PAPPA2: variants seen among roughly 807,000 people sequenced by gnomAD.
The protein encoded by PAPPA2 is pappalysin 2, also known as pappalysin-2.
PAPPA2 carries 86 observed loss-of-function variants against 176.4 expected under a neutral mutation model. The ratio of observed to expected loss-of-function variants is 0.49; its 90% CI spans 0.41 to 0.58. The LOEUF is 0.58. Among genes scored for constraint, PAPPA2 ranks in the 20% least tolerant of loss-of-function variants. PAPPA2 has a pLI of 0.00. For missense variants in PAPPA2, 2,073 were observed against 2,256.9 expected, an observed-to-expected ratio of 0.92 and a Z score of 1.65; for synonymous variants, 809 against 852.2, an observed-to-expected ratio of 0.95 and a Z score of 0.88.
At chr1:176,770,871 G>C in intron 16 of PAPPA2, 96 bp from the exon 17 acceptor site, 1 of 1,134,076 alleles carries the variant, frequency 8.8e-7, no homozygotes, top group Middle Eastern at 2.9e-4. Context: ...CTTTTGAAAG[G>C]CACCAGTAAG....
intron 21 of PAPPA2, among the ~76,000 whole-genome samples, chr1:176,810,543 C>A (rs796135957): frequency 6.6e-6 from 1 of 152,200 alleles, no homozygotes; most frequent in South Asian, 2.1e-4. Context: ...AATGCCACCA[C>A]AAATTTTACA....
At chr1:176,567,891 G>T (rs1196134020) in intron 2 of PAPPA2, among the ~76,000 whole-genome samples, 1 of 152,180 alleles carries the variant, frequency 6.6e-6, no homozygotes, top group Non-Finnish European at 1.5e-5. Flanking sequence ...GTGTCAAATG[G>T]CACAGGAGCA....
chr1:176,768,279 C>T (rs923367386), intron 15 of PAPPA2, among the ~76,000 whole-genome samples: 3 of 152,024 alleles, frequency 2.0e-5, no homozygotes, highest in Non-Finnish European at 2.9e-5. Context: ...TTTTCAAAGG[C>T]CAATCCTGTA....
At chr1:176,489,730 A>G (rs1652808141) in intron 1 of PAPPA2, among the ~76,000 whole-genome samples, 1 of 152,128 alleles carries the variant, frequency 6.6e-6, no homozygotes, top group African/African-American at 2.4e-5. Flanking sequence ...AAGTTGTGAA[A>G]AATTGGACAA....
chr1:176,829,006 AAAAT>A (rs1271823974), intron 21 of PAPPA2, among the ~76,000 whole-genome samples: 5 of 152,058 alleles, frequency 3.3e-5, no homozygotes, highest in Admixed American at 6.6e-5. Context: ...CCATCTCAAA[AAAAT>A]AAATAAATAA....
chr1:176,594,792 C>T lies in PAPPA2; in HGVS notation c.1188C>T (p.Asn396=), dbSNP rs918039037. The change falls in exon 3 of 23, where the codon AAC becomes AAT. Residue 396 remains asparagine (N), a synonymous_variant. Coordinates refer to ENST00000367662, the MANE Select transcript of PAPPA2 (RefSeq NM_020318.3). ...GTCTAGACCAGTCTGGTCCCCTGAA[C>T]AGCCCCTTCATGGCATCTTGCCGCT... ...ASSLDQSGPL[N]SPFMASCRSL... 5 of 1,614,128 alleles carry T rather than the reference C, an allele frequency of 3.1e-6. No individual in the cohort carries two copies. The African/African-American group carries it at 5.3e-5, about 17-fold the overall frequency.
intron 12 of PAPPA2, among the ~76,000 whole-genome samples, chr1:176,734,082 C>T (rs1339487652): frequency 6.6e-6 from 1 of 152,098 alleles, no homozygotes; most frequent in African/African-American, 2.4e-5. Context: ...ATGCCAGAGT[C>T]ATGAAAGAGG....
chr1:176,815,964 C>T (rs1200958653), intron 21 of PAPPA2, among the ~76,000 whole-genome samples: 1 of 151,402 alleles, frequency 6.6e-6, no homozygotes, highest in East Asian at 2.0e-4. Flanking sequence ...GAGTTCTTTC[C>T]GTCCTTTTTC....
intron 3 of PAPPA2, among the ~76,000 whole-genome samples, chr1:176,658,840 T>C (rs1404441971): frequency 2.0e-5 from 3 of 151,996 alleles, no homozygotes; most frequent in Admixed American, 6.6e-5. Context: ...CCAGTTTTGA[T>C]GTTGTACAGG....
At chr1:176,526,863 G>A (rs1000425669) in intron 1 of PAPPA2, among the ~76,000 whole-genome samples, 1 of 152,200 alleles carries the variant, frequency 6.6e-6, no homozygotes, top group Non-Finnish European at 1.5e-5. Context: ...TGCTTGTCCC[G>A]CCAGAGATTC....
intron 3 of PAPPA2, among the ~76,000 whole-genome samples, chr1:176,601,904 T>G (rs959449053): frequency 6.6e-6 from 1 of 152,216 alleles, no homozygotes; most frequent in Admixed American, 6.5e-5. Flanking sequence ...CTACTTTCCA[T>G]CCCATGCTTT....
chr1:176,667,434 T>G (rs1357491887), intron 3 of PAPPA2, among the ~76,000 whole-genome samples: 1 of 151,710 alleles, frequency 6.6e-6, no homozygotes, highest in Non-Finnish European at 1.5e-5. Context: ...TGGGAATGAG[T>G]AGAGTTCCAT....
rs758781900 is a variant in PAPPA2 at position 176,594,815 on chromosome 1, G to A, written c.1211G>A (p.Arg404His). ...PLNSPFMASC[R>H]SLLLGGDSSE... ...AACAGCCCCTTCATGGCATCTTGCC[G>A]CTCTTTGCTCCTGGGGGGAGACAGC... Residue 404 changes from arginine (R) to histidine (H), a missense_variant, in exon 3 of 23, where the codon CGC (arginine) becomes CAC (histidine). Coordinates refer to ENST00000367662, the MANE Select transcript of PAPPA2 (RefSeq NM_020318.3). The A allele has an allele frequency of 1.1e-5, 18 of 1,614,220 alleles. No individual in the cohort carries two copies. Among genetic ancestry groups the A allele is most frequent in the East Asian group, 4.5e-5 (2 of 44,876 alleles).
chr1:176,753,562 T>A (rs2102890646), intron 14 of PAPPA2, among the ~76,000 whole-genome samples: 1 of 149,012 alleles, frequency 6.7e-6, no homozygotes, highest in African/African-American at 2.5e-5. Context: ...TCCTTTTTTT[T>A]TTTTTTTTTT....
intron 3 of PAPPA2, among the ~76,000 whole-genome samples, chr1:176,620,293 A>G (rs1655512147): frequency 6.6e-6 from 1 of 152,050 alleles, no homozygotes; most frequent in Non-Finnish European, 1.5e-5. Flanking sequence ...TTTCGGAGAC[A>G]GGGGAGAGAC....
chr1:176,476,237 G>C (rs1327814846), intron 1 of PAPPA2, among the ~76,000 whole-genome samples: 1 of 152,108 alleles, frequency 6.6e-6, no homozygotes, highest in African/African-American at 2.4e-5. Context: ...GTAAAATGTG[G>C]TTCAAAAAAA....
At chr1:176,486,045 G>A (rs868380931) in intron 1 of PAPPA2, among the ~76,000 whole-genome samples, 1 of 152,168 alleles carries the variant, frequency 6.6e-6, no homozygotes, top group South Asian at 2.1e-4. Context: ...ATTTTAGTAA[G>A]GTTTGTTTAT....
intron 3 of PAPPA2, among the ~76,000 whole-genome samples, chr1:176,669,914 A>G (rs1658888635): frequency 6.6e-6 from 1 of 152,162 alleles, no homozygotes; most frequent in Non-Finnish European, 1.5e-5. Context: ...CTTGTCTACT[A>G]GAATAGCATC....
chr1:176,635,685 T>C (rs1315989584), intron 3 of PAPPA2, among the ~76,000 whole-genome samples: 1 of 152,192 alleles, frequency 6.6e-6, no homozygotes, highest in African/African-American at 2.4e-5. Flanking sequence ...TCTTCCTGGA[T>C]TTGTTCTTCT....
Sources: gnomAD v4.1 joint callset for allele counts (sites outside exome capture counted in the v4.1 genomes callset) on GRCh38, gnomAD v4.1.1 for gene constraint, MANE v1.5 for transcripts, NCBI Gene and HGNC (gene_info 2026-07-23, HGNC 2026-07-21) for gene names.